The following CWC27 variants were observed in gnomAD, a reference collection of about 807,000 sequenced individuals.
CWC27 encodes the protein CWC27 spliceosome associated cyclophilin, also known as spliceosome-associated protein CWC27 homolog.
A neutral mutation model predicts 63.6 loss-of-function variants in CWC27; 47 were observed. The observed-to-expected ratio is 0.74, with a 90% confidence interval of 0.58 to 0.94. CWC27 has a LOEUF of 0.94. Among genes scored for constraint, CWC27 ranks in the 40% least tolerant of loss-of-function variants. CWC27 has a pLI of 0.00. For synonymous variants in CWC27, 175 were observed against 179.8 expected (o/e 0.97, Z 0.22); for missense variants, 495 against 554.3 (o/e 0.89, Z 1.07).
intron 10 of CWC27, among the ~76,000 whole-genome samples, chr5:64,845,546 A>C (rs144215305): frequency 3.5e-4 from 54 of 152,326 alleles, no homozygotes; most frequent in African/African-American, 1.3e-3. Flanking sequence ...AATATAAAAG[A>C]AACACATATA....
intron 13 of CWC27, among the ~76,000 whole-genome samples, chr5:65,012,491 G>C (rs1019941494): frequency 1.3e-5 from 2 of 152,120 alleles, no homozygotes; most frequent in African/African-American, 2.4e-5. Flanking sequence ...TTACCACATC[G>C]TGGTGTCTGT....
chr5:64,980,273 T>C (rs1006788205), intron 13 of CWC27, among the ~76,000 whole-genome samples: 1 of 152,196 alleles, frequency 6.6e-6, no homozygotes, highest in African/African-American at 2.4e-5. Context: ...CAGACTCATA[T>C]AGCTGTAGAC....
intron 13 of CWC27, among the ~76,000 whole-genome samples, chr5:65,001,403 A>C (rs1279758731): frequency 6.6e-6 from 1 of 152,148 alleles, no homozygotes; most frequent in Non-Finnish European, 1.5e-5. Flanking sequence ...TCCAGTTCTT[A>C]GAGGAAAGGC....
chr5:64,853,869 A>C (rs567056745), intron 10 of CWC27, among the ~76,000 whole-genome samples: 1 of 152,354 alleles, frequency 6.6e-6, no homozygotes, highest in African/African-American at 2.4e-5. Flanking sequence ...ACGGTTTTTA[A>C]GTTAAGTCAT....
intron 13 of CWC27, among the ~76,000 whole-genome samples, chr5:65,012,121 T>C (rs1749971512): frequency 6.6e-6 from 1 of 152,230 alleles, no homozygotes; most frequent in Admixed American, 6.5e-5. Context: ...TTAAATTTTG[T>C]ACTCCAAAAT....
intron 10 of CWC27, among the ~76,000 whole-genome samples, chr5:64,861,023 G>C (rs182845701): frequency 6.6e-6 from 1 of 152,114 alleles, no homozygotes; most frequent in African/African-American, 2.4e-5. Context: ...CTTAGTTGGG[G>C]CTCCTCAAAT....
intron 2 of CWC27, among the ~76,000 whole-genome samples, chr5:64,781,268 C>G (rs1246616518): frequency 1.3e-5 from 2 of 151,938 alleles, no homozygotes; most frequent in Non-Finnish European, 2.9e-5. Context: ...TAATTGGACT[C>G]AAGTATGTAT....
intron 13 of CWC27, among the ~76,000 whole-genome samples, chr5:64,989,780 A>C (rs1749500688): frequency 6.6e-6 from 1 of 152,190 alleles, no homozygotes; most frequent in Non-Finnish European, 1.5e-5. Flanking sequence ...AAGCTAGAGC[A>C]CAAGAGGCAA....
At chr5:65,011,655 A>G (rs1749959129) in intron 13 of CWC27, among the ~76,000 whole-genome samples, 1 of 152,236 alleles carries the variant, frequency 6.6e-6, no homozygotes, top group African/African-American at 2.4e-5. Context: ...AGAGCCACCA[A>G]AGCATTTAAA....
At chr5:64,793,890 A>C (rs1744164947) in intron 7 of CWC27, among the ~76,000 whole-genome samples, 1 of 152,148 alleles carries the variant, frequency 6.6e-6, no homozygotes. Flanking sequence ...ATAAGATTAG[A>C]GTCCTCTCTG....
chr5:64,838,471 A>C (rs1052847270), intron 10 of CWC27, among the ~76,000 whole-genome samples: 1 of 152,150 alleles, frequency 6.6e-6, no homozygotes, highest in Admixed American at 6.6e-5. Context: ...TTAAGTCACT[A>C]TTCTATAAGA....
intron 13 of CWC27, among the ~76,000 whole-genome samples, chr5:64,997,646 T>G (rs770902517): frequency 5.3e-5 from 8 of 152,092 alleles, no homozygotes; most frequent in African/African-American, 9.7e-5. Context: ...ATAAAAAAAT[T>G]TTTGAGTTTT....
chr5:64,842,235 A>G lies in CWC27; in HGVS notation c.938+37849A>G, dbSNP rs1237762461. 2.0e-5 allele frequency among the ~76,000 whole-genome samples: 3 copies of G among 152,136 alleles called. No homozygotes were observed. In the East Asian group the frequency reaches 5.8e-4, roughly 29 times the overall value. On this transcript the variant is annotated intron_variant, in intron 10 of 13. Transcript: ENST00000381070. Reference sequence around the variant, plus strand: ...AAAGTTTGCTTACCCCTGGTTTACAATAGTGTAATATAACTGAATTCCCTA... The same window carrying G: ...AAAGTTTGCTTACCCCTGGTTTACAGTAGTGTAATATAACTGAATTCCCTA...
intron 4 of CWC27, 114 bp from the exon 5 acceptor site, chr5:64,785,367 T>A: frequency 2.1e-6 from 1 of 479,322 alleles, no homozygotes; most frequent in East Asian, 3.5e-5. Context: ...TATATTTTTA[T>A]GTAATCACAT....
intron 1 of CWC27, among the ~76,000 whole-genome samples, chr5:64,774,453 G>A (rs1319892539): frequency 6.6e-6 from 1 of 152,132 alleles, no homozygotes; most frequent in East Asian, 1.9e-4. Flanking sequence ...AAAGATATAT[G>A]CTATTGTTTT....
At chr5:65,012,525 A>T (rs1195038618) in intron 13 of CWC27, among the ~76,000 whole-genome samples, 1 of 152,146 alleles carries the variant, frequency 6.6e-6, no homozygotes, top group Admixed American at 6.5e-5. Flanking sequence ...CAGATTGTTT[A>T]CTTCATGGAA....
chr5:64,996,918 A>G (rs1022726122), intron 13 of CWC27, among the ~76,000 whole-genome samples: 2 of 152,076 alleles, frequency 1.3e-5, no homozygotes, highest in African/African-American at 4.8e-5. Flanking sequence ...TCCTATTTTC[A>G]GATAAGGCAA....
intron 10 of CWC27, among the ~76,000 whole-genome samples, chr5:64,806,982 A>T (rs1222017080): frequency 6.6e-6 from 1 of 152,226 alleles, no homozygotes; most frequent in Non-Finnish European, 1.5e-5. Context: ...GGTAAAAGGG[A>T]TAATTATATT....
intron 10 of CWC27, among the ~76,000 whole-genome samples, chr5:64,824,298 A>T (rs535853762): frequency 1.6e-3 from 237 of 152,322 alleles, no homozygotes; most frequent in African/African-American, 5.5e-3. Context: ...CTCTTTTAAT[A>T]TTATTATTTT....
Sources: allele counts gnomAD v4.1 joint callset (sites outside exome capture counted in the v4.1 genomes callset), GRCh38; gene constraint gnomAD v4.1.1; transcripts MANE v1.5; gene names NCBI Gene and HGNC (gene_info 2026-07-23, HGNC 2026-07-21).